The following STXBP5 variants were observed in gnomAD, a reference collection of about 807,000 sequenced individuals.
STXBP5 encodes the protein syntaxin binding protein 5.
STXBP5 carries 50 observed loss-of-function variants against 152.4 expected under a neutral mutation model. That is an observed-to-expected ratio of 0.33 (90% CI 0.26 to 0.42). The LOEUF (loss-of-function observed/expected upper bound fraction) is 0.42. Ranked by LOEUF, STXBP5 falls within the 10% of genes least tolerant of loss-of-function variation. The pLI, the probability that STXBP5 is intolerant of heterozygous loss-of-function variation, is 1.00. For missense variants in STXBP5, 1,167 were observed against 1,388.6 expected (o/e 0.84, Z 2.54); for synonymous variants, 492 against 494.7 (o/e 0.99, Z 0.07).
In STXBP5 at chr6:147,332,732, G is replaced by A. The variant is rs547348198; in HGVS notation, c.2081-1425G>A. Among the ~76,000 whole-genome samples, 9 of 152,264 alleles carry A rather than the reference G, an allele frequency of 5.9e-5. No homozygotes were observed. In the South Asian group the frequency reaches 1.9e-3, roughly 32 times the overall value. Reference sequence around the variant, plus strand: ...GACTTTTACCCTGAGTGAGATGAAGGCACTGAATGGATTTTTAGCTTATTT... The same window carrying A: ...GACTTTTACCCTGAGTGAGATGAAGACACTGAATGGATTTTTAGCTTATTT... On this transcript the variant is annotated intron_variant, in intron 18 of 27. Transcript: ENST00000321680.
At position 147,291,148 on chromosome 6, in the gene STXBP5, T is replaced by C; in HGVS notation, c.893T>C (p.Val298Ala). 6.2e-7 allele frequency: 1 copy of C among 1,612,822 alleles called. No individual in the cohort carries two copies. Among genetic ancestry groups the C allele is most frequent in the South Asian group, 1.1e-5 (1 of 90,918 alleles). Reference sequence around the variant, plus strand: ...GAACCATGCAAACCTATCCTCAAGGTGGAATTCAAAACGACTAGATCTGGG... The same window carrying C: ...GAACCATGCAAACCTATCCTCAAGGCGGAATTCAAAACGACTAGATCTGGG... ...KPEPCKPILK[V>A]EFKTTRSGEP... The change falls in exon 9 of 28, where the codon GTG (valine) becomes GCG (alanine). Residue 298 changes from valine to alanine, a missense_variant. Val to Ala is a moderately conservative substitution (Grantham distance 64, BLOSUM62 0). This residue lies in a region of STXBP5 where 24 missense variants were observed against 56.2 expected (regional missense o/e 0.43). Transcript: ENST00000321680.
chr6:147,296,637 A>G (rs1395798789), intron 9 of STXBP5, among the ~76,000 whole-genome samples: 1 of 152,200 alleles, frequency 6.6e-6, no homozygotes, highest in African/African-American at 2.4e-5. Flanking sequence ...TCCAAAGAAG[A>G]GGAAATTTAC....
intron 2 of STXBP5, among the ~76,000 whole-genome samples, chr6:147,213,703 A>G (rs1777014917): frequency 6.6e-6 from 1 of 151,996 alleles, no homozygotes; most frequent in Non-Finnish European, 1.5e-5. Flanking sequence ...TGTTTAAATG[A>G]AAGTTTCCTG....
At chr6:147,285,564 T>C (rs917826181) in intron 8 of STXBP5, among the ~76,000 whole-genome samples, 10 of 151,896 alleles carry the variant, frequency 6.6e-5, no homozygotes, top group Admixed American at 6.6e-4. Context: ...ACAGAGAAAA[T>C]GAAACTACTC....
At chr6:147,316,046 CCT>C (rs1436358687) in intron 15 of STXBP5, among the ~76,000 whole-genome samples, 181 bp from the exon 16 acceptor site, 4 of 151,926 alleles carry the variant, frequency 2.6e-5, no homozygotes, top group East Asian at 1.9e-4. Flanking sequence ...GTGTGTACTC[CCT>C]GAGTCAAGAA....
chr6:147,355,929 T>A (rs1425802146), intron 22 of STXBP5, among the ~76,000 whole-genome samples: 1 of 151,938 alleles, frequency 6.6e-6, no homozygotes, highest in Non-Finnish European at 1.5e-5. Context: ...AAGGAGTAAG[T>A]GGAAGTTGTA....
chr6:147,381,133 CTCCCACTGGG>C (rs1172353228), intron 26 of STXBP5, among the ~76,000 whole-genome samples: 2 of 152,222 alleles, frequency 1.3e-5, no homozygotes, highest in East Asian at 3.9e-4. Flanking sequence ...ATTCAGTTAC[CTCCCACTGGG>C]TCTTTTCCAT....
chr6:147,279,801 C>T (rs1474461767), intron 8 of STXBP5, among the ~76,000 whole-genome samples: 1 of 152,144 alleles, frequency 6.6e-6, no homozygotes, highest in Admixed American at 6.5e-5. Context: ...CTTAGAATCT[C>T]CTAACCCTGC....
chr6:147,367,403 C>A (rs1013427052), intron 25 of STXBP5, among the ~76,000 whole-genome samples: 32 of 152,150 alleles, frequency 2.1e-4, no homozygotes, highest in African/African-American at 7.7e-4. Context: ...CTTTGGGAGG[C>A]CGAGGCGGGT....
intron 27 of STXBP5, among the ~76,000 whole-genome samples, chr6:147,384,149 T>C (rs954967670): frequency 6.6e-6 from 1 of 152,156 alleles, no homozygotes; most frequent in Non-Finnish European, 1.5e-5. Context: ...TACATTGAGG[T>C]AGTTACAATC....
intron 2 of STXBP5, among the ~76,000 whole-genome samples, chr6:147,224,206 A>G (rs1167021865): frequency 6.6e-6 from 1 of 152,232 alleles, no homozygotes; most frequent in Non-Finnish European, 1.5e-5. Flanking sequence ...CAGGCGGATC[A>G]TTTGAGGCCA....
chr6:147,239,087 G>A, intron 3 of STXBP5, 83 bp from the exon 4 acceptor site: 1 of 1,224,078 alleles, frequency 8.2e-7, no homozygotes, highest in South Asian at 1.7e-5. Context: ...AATTTGGGAA[G>A]GAGATATTTC....
At chr6:147,287,357 T>C (rs1037140176) in intron 8 of STXBP5, among the ~76,000 whole-genome samples, 11 of 150,630 alleles carry the variant, frequency 7.3e-5, no homozygotes, top group South Asian at 2.1e-4. Context: ...CGCCCGCCAC[T>C]ACGCCCGGCT....
At chr6:147,351,429 C>T (rs1784585860) in intron 21 of STXBP5, among the ~76,000 whole-genome samples, 1 of 152,142 alleles carries the variant, frequency 6.6e-6, no homozygotes, top group Admixed American at 6.5e-5. Context: ...TGTATAGATA[C>T]TACTTATCAG....
intron 7 of STXBP5, among the ~76,000 whole-genome samples, chr6:147,276,782 G>C (rs1780462464): frequency 6.6e-6 from 1 of 152,076 alleles, no homozygotes; most frequent in Non-Finnish European, 1.5e-5. Context: ...TTTTGTAAGA[G>C]ATGCAGATGG....
At chr6:147,257,891 G>C (rs1398720006) in intron 4 of STXBP5, among the ~76,000 whole-genome samples, 1 of 152,152 alleles carries the variant, frequency 6.6e-6, no homozygotes, top group Non-Finnish European at 1.5e-5. Context: ...GGCTCAGCAG[G>C]AGTGCCTTCC....
At chr6:147,347,094 C>T (rs928867483) in intron 21 of STXBP5, among the ~76,000 whole-genome samples, 1 of 152,142 alleles carries the variant, frequency 6.6e-6, no homozygotes, top group Admixed American at 6.5e-5. Flanking sequence ...TTCTAGAAGT[C>T]TCTGGACATT....
At chr6:147,314,117 C>G (rs1582929993) in intron 12 of STXBP5, 86 bp downstream of exon 12, 1 of 1,490,188 alleles carries the variant, frequency 6.7e-7, no homozygotes, top group Non-Finnish European at 9.1e-7. Context: ...AACATTATAC[C>G]TTTTCTATGG....
chr6:147,245,459 A>G (rs530286676), intron 4 of STXBP5, among the ~76,000 whole-genome samples: 1 of 152,274 alleles, frequency 6.6e-6, no homozygotes, highest in East Asian at 1.9e-4. Context: ...AATTTTTATC[A>G]CAGGGACAAA....
Sources: allele counts gnomAD v4.1 joint callset (sites outside exome capture counted in the v4.1 genomes callset), GRCh38; gene constraint gnomAD v4.1.1; regional missense constraint gnomAD v4.1.1; transcripts MANE v1.5; gene names NCBI Gene and HGNC (gene_info 2026-07-23, HGNC 2026-07-21).